KCNJ16: variants seen among roughly 807,000 people sequenced by gnomAD.
KCNJ16 encodes inward rectifier potassium channel 16.
A neutral mutation model predicts 18.5 loss-of-function variants in KCNJ16; 15 were observed. The ratio of observed to expected loss-of-function variants is 0.81; its 90% CI spans 0.54 to 1.25. The LOEUF (loss-of-function observed/expected upper bound fraction) is 1.25. KCNJ16 is among the 50% of genes most tolerant of loss of function. The pLI is 0.00. For missense variants in KCNJ16, 523 were observed against 525.7 expected (o/e 0.99, Z 0.05); for synonymous variants, 174 against 186.5 (o/e 0.93, Z 0.55).
chr17:70,083,296 A>G (rs1034477342), intron 1 of KCNJ16, among the ~76,000 whole-genome samples: 1 of 149,498 alleles, frequency 6.7e-6, no homozygotes. Context: ...ACATATCTAT[A>G]TGATATATAT....
At chr17:70,099,022 G>A (rs573017959) in intron 1 of KCNJ16, among the ~76,000 whole-genome samples, 3 of 152,266 alleles carry the variant, frequency 2.0e-5, no homozygotes, top group South Asian at 2.1e-4. Context: ...TCAGCCATGC[G>A]TGGAGTATTT....
intron 2 of KCNJ16, among the ~76,000 whole-genome samples, chr17:70,105,457 T>C (rs2072880948): frequency 6.6e-6 from 1 of 152,176 alleles, no homozygotes; most frequent in Non-Finnish European, 1.5e-5. Flanking sequence ...CATAAAACCA[T>C]CTTTTTTGTA....
chr17:70,103,286 A>G lies in KCNJ16; in HGVS notation c.-191+2520A>G, dbSNP rs866280457. ...GTATATGTGTATATAATATGCATATATGTGTGTGTGTATATATATATATAT... is the reference window on the plus strand; with the variant it reads ...GTATATGTGTATATAATATGCATATGTGTGTGTGTGTATATATATATATAT... On this transcript the variant is annotated intron_variant, in intron 2 of 3. Transcript: ENST00000392671. Among the ~76,000 whole-genome samples, 701 of 103,812 alleles carry G rather than the reference A, an allele frequency of 6.8e-3. 5 individuals are homozygous for G. The highest frequency in any genetic ancestry group is 0.019 in the African/African-American group (475 of 25,464). 68.1% of individuals were successfully genotyped at this position (103,812 alleles called of 152,430 possible). A position where few individuals can be genotyped will look rare whatever the true frequency, so the allele number is the denominator to read the frequency against.
At chr17:70,090,941 G>C (rs1407695508) in intron 1 of KCNJ16, among the ~76,000 whole-genome samples, 3 of 152,200 alleles carry the variant, frequency 2.0e-5, no homozygotes, top group African/African-American at 7.2e-5. Flanking sequence ...CCTAACCGGT[G>C]AATGTTTTCC....
chr17:70,077,156 A>T (rs2071350768), intron 1 of KCNJ16, among the ~76,000 whole-genome samples: 1 of 152,244 alleles, frequency 6.6e-6, no homozygotes, highest in South Asian at 2.1e-4. Flanking sequence ...TGGCTGAAGC[A>T]AAATTGCAGG....
chr17:70,099,474 G>A (rs2072528646), intron 1 of KCNJ16, among the ~76,000 whole-genome samples: 1 of 151,952 alleles, frequency 6.6e-6, no homozygotes, highest in South Asian at 2.1e-4. Context: ...TTCCTCATGG[G>A]TAAGGTCTAG....
At chr17:70,095,524 G>A (rs2072316191) in intron 1 of KCNJ16, among the ~76,000 whole-genome samples, 1 of 152,158 alleles carries the variant, frequency 6.6e-6, no homozygotes, top group Admixed American at 6.6e-5. Flanking sequence ...CAAACGTGAA[G>A]CTTTTCTACT....
intron 2 of KCNJ16, among the ~76,000 whole-genome samples, chr17:70,118,276 G>T (rs2144101845): frequency 6.6e-6 from 1 of 152,142 alleles, no homozygotes; most frequent in South Asian, 2.1e-4. Context: ...GGGGGCTAGG[G>T]AAGGGATAGC....
intron 1 of KCNJ16, among the ~76,000 whole-genome samples, chr17:70,080,946 T>C (rs2071526945): frequency 6.6e-6 from 1 of 152,240 alleles, no homozygotes; most frequent in Admixed American, 6.5e-5. Context: ...TAGGGCTTAA[T>C]AGCTCTCACC....
At chr17:70,120,338 A>G (rs1412234522) in intron 2 of KCNJ16, among the ~76,000 whole-genome samples, 1 of 151,656 alleles carries the variant, frequency 6.6e-6, no homozygotes. Flanking sequence ...AAACTCTTCC[A>G]CCCTCTGTCT....
At chr17:70,107,010 C>T (rs2072963935) in intron 2 of KCNJ16, among the ~76,000 whole-genome samples, 2 of 152,170 alleles carry the variant, frequency 1.3e-5, no homozygotes, top group Admixed American at 1.3e-4. Flanking sequence ...GTTACAGTAG[C>T]TGCCTCAAAT....
At chr17:70,099,498 G>C (rs939727890) in intron 1 of KCNJ16, among the ~76,000 whole-genome samples, 8 of 151,952 alleles carry the variant, frequency 5.3e-5, no homozygotes, top group African/African-American at 1.9e-4. Context: ...TCATAAAATA[G>C]GAATAGAATG....
intron 2 of KCNJ16, among the ~76,000 whole-genome samples, chr17:70,103,198 GTATA>G (rs1004535179): frequency 3.5e-5 from 5 of 142,100 alleles, no homozygotes; most frequent in East Asian, 2.0e-4. Context: ...ATATATATGT[GTATA>G]TATATTTTTG....
chr17:70,076,477 G>C (rs887580871), intron 1 of KCNJ16, among the ~76,000 whole-genome samples: 1 of 152,104 alleles, frequency 6.6e-6, no homozygotes, highest in African/African-American at 2.4e-5. Flanking sequence ...AAGAGAAAGA[G>C]AGCCTGAGTA....
chr17:70,131,938 C>G, intron 3 of KCNJ16, 57 bp from the exon 4 acceptor site: 1 of 1,480,300 alleles, frequency 6.8e-7, no homozygotes, highest in Non-Finnish European at 9.0e-7. Flanking sequence ...TGGCAAATTG[C>G]TATAAAGATG....
chr17:70,109,546 T>C (rs956765853), intron 2 of KCNJ16, among the ~76,000 whole-genome samples: 4 of 150,494 alleles, frequency 2.7e-5, no homozygotes, highest in African/African-American at 4.9e-5. Context: ...AACACTGGGT[T>C]TTCCCCTCTT....
At chr17:70,078,103 T>C (rs2071394238) in intron 1 of KCNJ16, among the ~76,000 whole-genome samples, 1 of 152,126 alleles carries the variant, frequency 6.6e-6, no homozygotes, top group Admixed American at 6.6e-5. Context: ...ATGAAAAAGA[T>C]AGGATCAGAT....
At chr17:70,118,575 G>A (rs2073506036) in intron 2 of KCNJ16, among the ~76,000 whole-genome samples, 2 of 152,054 alleles carry the variant, frequency 1.3e-5, no homozygotes, top group African/African-American at 4.8e-5. Flanking sequence ...GGGGGAGCAG[G>A]CACATCACAT....
intron 1 of KCNJ16, among the ~76,000 whole-genome samples, chr17:70,084,313 C>CA (rs1158490605): frequency 6.6e-6 from 1 of 152,082 alleles, no homozygotes; most frequent in East Asian, 1.9e-4. Flanking sequence ...CCATTCAGAA[C>CA]AAAAAACAAG....
Sources: allele counts gnomAD v4.1 joint callset (sites outside exome capture counted in the v4.1 genomes callset), GRCh38; gene constraint gnomAD v4.1.1; transcripts MANE v1.5; gene names NCBI Gene and HGNC (gene_info 2026-07-23, HGNC 2026-07-21).